TJP2: variants seen among roughly 807,000 people sequenced by gnomAD.
TJP2 encodes the protein Friedreich ataxia region gene X104 (tight junction protein ZO-2).
A neutral mutation model predicts 133.1 loss-of-function variants in TJP2; 91 were observed. The ratio of observed to expected loss-of-function variants is 0.68; its 90% CI spans 0.58 to 0.81. TJP2 has a LOEUF of 0.81. Ranked by LOEUF, TJP2 falls within the 40% of genes least tolerant of loss-of-function variation. The pLI is 0.00. For synonymous variants in TJP2, 592 were observed against 583.4 expected, an observed-to-expected ratio of 1.01 and a Z score of -0.21; for missense variants, 1,541 against 1,565.6, an observed-to-expected ratio of 0.98 and a Z score of 0.26.
rs57364596 is a variant in TJP2, at chr9:69,243,012, C to T, written c.2566+2865C>T. Among the ~76,000 whole-genome samples, 126 of 152,244 alleles carry T rather than the reference C, an allele frequency of 8.3e-4. 1 individual carries two copies. The East Asian group carries it at 0.022, about 27-fold the overall frequency. ...CCCAGTAGCTGGGACTACAGGCACA[C>T]ACCACCATGCCTGGGTAATTTTTGT... On this transcript the variant is annotated intron_variant, in intron 17 of 22. Transcript: ENST00000377245.
At chr9:69,238,290 G>A (rs2133396244) in intron 15 of TJP2, among the ~76,000 whole-genome samples, 1 of 152,290 alleles carries the variant, frequency 6.6e-6, no homozygotes, top group East Asian at 1.9e-4. Flanking sequence ...AGGTAACATT[G>A]ATGTGGTGTG....
At chr9:69,160,953 G>A (rs890281418) in intron 2 of TJP2, among the ~76,000 whole-genome samples, 2 of 152,172 alleles carry the variant, frequency 1.3e-5, no homozygotes, top group African/African-American at 4.8e-5. Context: ...TTCAAGATGA[G>A]ATTTGGGTGG....
At chr9:69,179,142 T>G (rs1483837937) in intron 1 of TJP2, among the ~76,000 whole-genome samples, 1 of 152,240 alleles carries the variant, frequency 6.6e-6, no homozygotes, top group Non-Finnish European at 1.5e-5. Context: ...AAATACTGTT[T>G]CAGTAGACTC....
chr9:69,250,171 C>T (rs894998712), intron 20 of TJP2, among the ~76,000 whole-genome samples: 52 of 152,154 alleles, frequency 3.4e-4, no homozygotes, highest in Admixed American at 3.1e-3. Flanking sequence ...GGTGCAATCT[C>T]GGCTCACTGC....
At chr9:69,136,725 G>A (rs1316633142) in intron 1 of TJP2, among the ~76,000 whole-genome samples, 1 of 152,142 alleles carries the variant, frequency 6.6e-6, no homozygotes, top group Non-Finnish European at 1.5e-5. Flanking sequence ...CAGCCCATGA[G>A]GGAGAAGGAG....
rs778913542 is a variant in TJP2, at chr9:69,221,489, G to A, written c.945G>A (p.Ala315=). The change falls in exon 5 of 23, where the codon GCG becomes GCA. Residue 315 remains alanine (A), a synonymous_variant. Transcript: ENST00000377245. ...PIGVLLMKSR[A]NEEYGLRLGS... ...GGGTCCTCCTGATGAAAAGCAGAGCGAACGAAGGTAGGCATGCTTGATGTG... is the reference window on the plus strand; with the variant it reads ...GGGTCCTCCTGATGAAAAGCAGAGCAAACGAAGGTAGGCATGCTTGATGTG... 5 of 1,602,746 alleles carry A rather than the reference G, an allele frequency of 3.1e-6. No homozygotes were observed. The African/African-American group carries it at 4.0e-5, about 13-fold the overall frequency.
rs1491181395 is a variant in TJP2 at position 69,198,541 on chromosome 9, TGG to T, written c.61-14006_61-14005del. Reference sequence around the variant, plus strand: ...GTTAAAAAACACAACTCAGTAAACCTGGCACTCTTCAGTAGTAGGTCTGGGAT... The same window carrying T: ...GTTAAAAAACACAACTCAGTAAACCTCACTCTTCAGTAGTAGGTCTGGGAT... On this transcript the variant is annotated intron_variant, in intron 1 of 22. Transcript: ENST00000377245. 8.0e-3 allele frequency among the ~76,000 whole-genome samples: 1,218 copies of T among 152,352 alleles called. 6 individuals carry two copies. Among genetic ancestry groups the T allele is most frequent in the Non-Finnish European group, 0.014 (971 of 68,026 alleles).
At chr9:69,250,591 T>G (rs1319920619) in intron 20 of TJP2, among the ~76,000 whole-genome samples, 1 of 152,136 alleles carries the variant, frequency 6.6e-6, no homozygotes, top group African/African-American at 2.4e-5. Context: ...CTCTCCTCGC[T>G]CCCCACCCCA....
intron 2 of TJP2, among the ~76,000 whole-genome samples, chr9:69,152,476 GA>G (rs1197671822): frequency 6.6e-6 from 1 of 152,124 alleles, no homozygotes; most frequent in African/African-American, 2.4e-5. Context: ...TACTTGGGTG[GA>G]TTCCAGATAA....
At chr9:69,129,285 C>T (rs1822385306) in intron 1 of TJP2, among the ~76,000 whole-genome samples, 1 of 151,990 alleles carries the variant, frequency 6.6e-6, no homozygotes, top group Non-Finnish European at 1.5e-5. Context: ...GCACTTTGGG[C>T]AGATCACTTG....
At chr9:69,214,122 G>T (rs967169356) in intron 2 of TJP2, among the ~76,000 whole-genome samples, 10 of 152,132 alleles carry the variant, frequency 6.6e-5, no homozygotes, top group Admixed American at 6.5e-5. Context: ...GTCTCATTCA[G>T]TTGCCCAGGC....
intron 21 of TJP2, 145 bp from the exon 22 acceptor site, chr9:69,252,670 G>A (rs1831421328): frequency 7.8e-6 from 6 of 770,190 alleles, no homozygotes; most frequent in South Asian, 3.1e-5. Flanking sequence ...AAATGAGGAG[G>A]CCGCTTCTGT....
chr9:69,241,194 G>T (rs1027180569), intron 17 of TJP2, among the ~76,000 whole-genome samples: 6 of 152,196 alleles, frequency 3.9e-5, no homozygotes, highest in Non-Finnish European at 8.8e-5. Flanking sequence ...ACTCATGAAA[G>T]TAAAATGGTC....
intron 2 of TJP2, among the ~76,000 whole-genome samples, chr9:69,163,426 AG>A (rs1824191305): frequency 6.6e-6 from 1 of 152,154 alleles, no homozygotes; most frequent in Non-Finnish European, 1.5e-5. Context: ...GCCTCAGTTC[AG>A]GAATTCAAGA....
intron 2 of TJP2, among the ~76,000 whole-genome samples, chr9:69,162,423 A>G (rs1229342121): frequency 6.6e-6 from 1 of 152,146 alleles, no homozygotes; most frequent in African/African-American, 2.4e-5. Context: ...TACACTTAAC[A>G]CATCTTATGA....
At position 69,123,907 on chromosome 9, in the gene TJP2, G is replaced by A. The variant is rs1457316382; in HGVS notation, c.-131+2182G>A. 1.2e-4 allele frequency among the ~76,000 whole-genome samples: 9 copies of A among 75,304 alleles called. 3 individuals are homozygous for A. Among genetic ancestry groups the A allele is most frequent in the African/African-American group, 2.4e-4 (6 of 24,806 alleles). 49.4% of individuals were successfully genotyped at this position (75,304 alleles called of 152,430 possible). On this transcript the variant is annotated intron_variant, in intron 1 of 5. Transcript: ENST00000423935. Reference sequence around the variant, plus strand: ...TTTTGAGACGGAGTCTCGCTCTGTCGCCCAGGCTGGAGTGCAGTGGCGCCA... The same window carrying A: ...TTTTGAGACGGAGTCTCGCTCTGTCACCCAGGCTGGAGTGCAGTGGCGCCA...
chr9:69,151,349 C>T (rs575377962), intron 1 of TJP2, among the ~76,000 whole-genome samples: 142 of 152,058 alleles, frequency 9.3e-4, no homozygotes, highest in Non-Finnish European at 1.6e-3. Context: ...GGCGTGGTGG[C>T]GCATGCCTGT....
intron 1 of TJP2, among the ~76,000 whole-genome samples, chr9:69,194,943 G>A (rs1321790250): frequency 6.6e-6 from 1 of 152,188 alleles, no homozygotes; most frequent in Non-Finnish European, 1.5e-5. Context: ...AGGCTCACTG[G>A]CTTTATGGGA....
intron 1 of TJP2, chr9:69,204,970 G>C: frequency 7.6e-7 from 1 of 1,312,756 alleles, no homozygotes; most frequent in South Asian, 2.6e-5. Context: ...TTTCTTTTTT[G>C]CTCATAAGTA....
Sources: gnomAD v4.1 joint callset for allele counts (sites outside exome capture counted in the v4.1 genomes callset) on GRCh38, gnomAD v4.1.1 for gene constraint, MANE v1.5 for transcripts, NCBI Gene and HGNC (gene_info 2026-07-23, HGNC 2026-07-21) for gene names.